Variants in PCDH15 observed in about 807,000 individuals in gnomAD.
PCDH15 encodes protocadherin-15.
PCDH15 carries 129 observed loss-of-function variants against 178.5 expected under a neutral mutation model. The ratio of observed to expected loss-of-function variants is 0.72; its 90% CI spans 0.63 to 0.84. The LOEUF is 0.84. Among genes scored for constraint, PCDH15 ranks in the 40% least tolerant of loss-of-function variants. The pLI is 0.00. For missense variants in PCDH15, 2,230 were observed against 2,099.9 expected (o/e 1.06, Z -1.21); for synonymous variants, 800 against 732.0 (o/e 1.09, Z -1.50).
At chr10:55,462,931 G>A (rs541018846) in intron 2 of PCDH15, among the ~76,000 whole-genome samples, 2 of 152,094 alleles carry the variant, frequency 1.3e-5, no homozygotes, top group African/African-American at 4.8e-5. Flanking sequence ...AAGTGGCTCT[G>A]CCTTTATTCT....
At chr10:54,933,130 G>T (rs2131855079) in intron 2 of PCDH15, among the ~76,000 whole-genome samples, 1 of 152,190 alleles carries the variant, frequency 6.6e-6, no homozygotes, top group Non-Finnish European at 1.5e-5. Context: ...ATACCATATA[G>T]CCTATGTGTG....
At chr10:55,581,134 C>T (rs1227878377) in intron 2 of PCDH15, among the ~76,000 whole-genome samples, 1 of 152,062 alleles carries the variant, frequency 6.6e-6, no homozygotes, top group Non-Finnish European at 1.5e-5. Context: ...AATCTTTACC[C>T]TATGGCCATA....
chr10:54,451,225 C>A (rs936376093), intron 3 of PCDH15, among the ~76,000 whole-genome samples: 1 of 151,744 alleles, frequency 6.6e-6, no homozygotes, highest in African/African-American at 2.4e-5. Context: ...CATTTATTGG[C>A]ACTTGGAAAC....
At chr10:54,612,317 T>C (rs1318163430) in intron 2 of PCDH15, among the ~76,000 whole-genome samples, 1 of 151,850 alleles carries the variant, frequency 6.6e-6, no homozygotes, top group Admixed American at 6.6e-5. Flanking sequence ...ATAAATTGAA[T>C]TAACAATTGG....
At chr10:54,174,711 T>TTC in intron 13 of PCDH15, among the ~76,000 whole-genome samples, 1 of 137,006 alleles carries the variant, frequency 7.3e-6, no homozygotes, top group African/African-American at 2.7e-5. Flanking sequence ...TCTTTTTTTT[T>TTC]TTTTTTTTTT....
At chr10:54,273,054 AG>A (rs1285841748) in intron 8 of PCDH15, among the ~76,000 whole-genome samples, 2 of 152,118 alleles carry the variant, frequency 1.3e-5, no homozygotes, top group Non-Finnish European at 2.9e-5. Flanking sequence ...AAATATTTAG[AG>A]GTTAAGGAAA....
intron 2 of PCDH15, among the ~76,000 whole-genome samples, chr10:55,094,483 T>C (rs1842398119): frequency 6.6e-6 from 1 of 152,018 alleles, no homozygotes; most frequent in Non-Finnish European, 1.5e-5. Flanking sequence ...ATGGCACATG[T>C]ACATATATGT....
chr10:54,498,984 C>T (rs1399226318), intron 3 of PCDH15, among the ~76,000 whole-genome samples: 1 of 152,048 alleles, frequency 6.6e-6, no homozygotes, highest in Non-Finnish European at 1.5e-5. Flanking sequence ...CTCATGAGAA[C>T]TTACTCACTA....
intron 2 of PCDH15, among the ~76,000 whole-genome samples, chr10:55,548,827 A>C (rs1023161638): frequency 6.6e-6 from 1 of 152,182 alleles, no homozygotes; most frequent in Non-Finnish European, 1.5e-5. Flanking sequence ...GAATTCAGGA[A>C]GTAAGGGTTG....
intron 26 of PCDH15, among the ~76,000 whole-genome samples, chr10:53,898,245 G>A (rs1367245252): frequency 3.3e-5 from 5 of 152,064 alleles, no homozygotes; most frequent in South Asian, 2.1e-4. Context: ...GGGATTACAG[G>A]CATGAGCCAC....
intron 1 of PCDH15, among the ~76,000 whole-genome samples, chr10:54,776,586 A>G (rs1205708644): frequency 6.6e-6 from 1 of 152,222 alleles, no homozygotes; most frequent in Non-Finnish European, 1.5e-5. Flanking sequence ...GAGGAAAAGA[A>G]CATATTTAAG....
intron 2 of PCDH15, among the ~76,000 whole-genome samples, chr10:55,149,696 TTC>T (rs1491558341): frequency 3.8e-5 from 4 of 105,128 alleles, no homozygotes. Flanking sequence ...AGATATCTTT[TTC>T]TCTTCCTTTC....
At chr10:54,057,209 T>C (rs12253866) in intron 18 of PCDH15, among the ~76,000 whole-genome samples, 31,775 of 152,138 alleles carry the variant, frequency 0.21, 3,502 homozygotes, top group Non-Finnish European at 0.23. Flanking sequence ...TGACCCTCTT[T>C]TCACAGCTCC....
At chr10:54,184,519 C>A (rs551405662) in intron 12 of PCDH15, among the ~76,000 whole-genome samples, 2 of 151,896 alleles carry the variant, frequency 1.3e-5, no homozygotes, top group Non-Finnish European at 2.9e-5. Flanking sequence ...ACTTTAATAA[C>A]CTTTACTTTT....
At chr10:55,021,935 A>G (rs1297541396) in intron 2 of PCDH15, among the ~76,000 whole-genome samples, 3 of 152,198 alleles carry the variant, frequency 2.0e-5, no homozygotes, top group Admixed American at 1.3e-4. Context: ...CCAAGCACAA[A>G]AAGACATATA....
At chr10:55,239,538 CAT>C (rs1477991751) in intron 1 of PCDH15, among the ~76,000 whole-genome samples, 1 of 152,144 alleles carries the variant, frequency 6.6e-6, no homozygotes, top group Non-Finnish European at 1.5e-5. Context: ...ATACAAAAAT[CAT>C]ATCAAAACTG....
intron 2 of PCDH15, among the ~76,000 whole-genome samples, chr10:55,526,806 G>C (rs934590742): frequency 3.3e-5 from 5 of 151,964 alleles, no homozygotes; most frequent in Non-Finnish European, 5.9e-5. Flanking sequence ...CAAAGGAATG[G>C]ACTTTCAACT....
chr10:54,151,583 A>C (rs1377372052), intron 14 of PCDH15, among the ~76,000 whole-genome samples: 5 of 152,146 alleles, frequency 3.3e-5, no homozygotes, highest in Admixed American at 1.3e-4. Context: ...TACAATAAAA[A>C]CAAAAGATGT....
intron 26 of PCDH15, among the ~76,000 whole-genome samples, chr10:53,888,596 T>TAG (rs2081323415): frequency 1.1e-5 from 1 of 92,094 alleles, no homozygotes; most frequent in Non-Finnish European, 2.3e-5. Flanking sequence ...TTTTTTTTTT[T>TAG]TTAGTCATTG....
Sources: allele counts gnomAD v4.1 joint callset (sites outside exome capture counted in the v4.1 genomes callset), GRCh38; gene constraint gnomAD v4.1.1; transcripts MANE v1.5; gene names NCBI Gene and HGNC (gene_info 2026-07-23, HGNC 2026-07-21).